CFAP299: variants seen among roughly 807,000 people sequenced by gnomAD.
The protein encoded by CFAP299 is cilia- and flagella-associated protein 299.
Under a neutral mutation model 27.0 loss-of-function variants are expected in CFAP299, and 21 were observed. The observed-to-expected ratio is 0.78, with a 90% confidence interval of 0.55 to 1.12. The LOEUF (loss-of-function observed/expected upper bound fraction) is 1.12. Among genes scored for constraint, CFAP299 ranks in the 50% most tolerant of loss-of-function variants. The pLI is 0.00. For missense variants in CFAP299, 310 were observed against 276.6 expected (o/e 1.12, Z -0.86); for synonymous variants, 104 against 98.1 (o/e 1.06, Z -0.36).
chr4:80,481,961 A>AT (rs1730590119), intron 2 of CFAP299, among the ~76,000 whole-genome samples: 1 of 151,914 alleles, frequency 6.6e-6, no homozygotes. Flanking sequence ...AAGAGAGAAT[A>AT]TTTTTGTATT....
intron 1 of CFAP299, among the ~76,000 whole-genome samples, chr4:80,342,117 G>C (rs1414327424): frequency 6.6e-6 from 1 of 152,080 alleles, no homozygotes; most frequent in Non-Finnish European, 1.5e-5. Flanking sequence ...CAAGAACAGA[G>C]AAAAAAGAAC....
At chr4:80,327,690 TTATATATATATATA>T in the CFAP299 span, among the ~76,000 whole-genome samples, 9 of 51,242 alleles carry the variant, frequency 1.8e-4, 1 homozygote, top group African/African-American at 4.8e-4. Context: ...TAGAGAGAAG[TTATATATATATATA>T]TATATATATA....
At chr4:80,351,458 C>A (rs1310376540) in intron 1 of CFAP299, among the ~76,000 whole-genome samples, 2 of 151,618 alleles carry the variant, frequency 1.3e-5, no homozygotes, top group Admixed American at 1.3e-4. Context: ...TCACAGAGTA[C>A]CTGCTGAAAA....
At chr4:80,807,537 T>C (rs1297310667) in intron 3 of CFAP299, among the ~76,000 whole-genome samples, 2 of 152,112 alleles carry the variant, frequency 1.3e-5, no homozygotes, top group Non-Finnish European at 1.5e-5. Context: ...ATATGTAAAA[T>C]GTATCAACTC....
chr4:80,657,813 A>G (rs1364629415), intron 3 of CFAP299, among the ~76,000 whole-genome samples: 1 of 152,020 alleles, frequency 6.6e-6, no homozygotes, highest in Non-Finnish European at 1.5e-5. Flanking sequence ...TATAAATTAC[A>G]TTGGGCAGGA....
intron 3 of CFAP299, among the ~76,000 whole-genome samples, chr4:80,848,202 C>A (rs1578179287): frequency 6.6e-6 from 1 of 151,380 alleles, no homozygotes; most frequent in Non-Finnish European, 1.5e-5. Context: ...TAGAGTGAGA[C>A]CCTGTCTCAA....
intron 1 of CFAP299, among the ~76,000 whole-genome samples, chr4:80,358,705 G>T (rs1432050819): frequency 2.0e-5 from 3 of 151,890 alleles, no homozygotes; most frequent in Non-Finnish European, 2.9e-5. Context: ...TTTATTTTGA[G>T]CCTATGTGTG....
intron 3 of CFAP299, among the ~76,000 whole-genome samples, chr4:80,760,743 G>T (rs540647821): frequency 6.6e-6 from 1 of 152,118 alleles, no homozygotes; most frequent in Non-Finnish European, 1.5e-5. Context: ...TAAGAAACAT[G>T]TAAAGTAAAA....
chr4:80,832,460 G>C (rs1209206498), intron 3 of CFAP299, among the ~76,000 whole-genome samples: 2 of 152,086 alleles, frequency 1.3e-5, no homozygotes, highest in Admixed American at 1.3e-4. Context: ...ATTAGCCATA[G>C]ACAATACCAT....
chr4:80,453,037 C>T (rs538882976), intron 2 of CFAP299, among the ~76,000 whole-genome samples: 41 of 152,294 alleles, frequency 2.7e-4, no homozygotes, highest in African/African-American at 9.4e-4. Flanking sequence ...CTAAAATTGT[C>T]ACAGGTTATT....
chr4:80,948,871 G>T (rs551185802), intron 5 of CFAP299, among the ~76,000 whole-genome samples: 1 of 152,112 alleles, frequency 6.6e-6, no homozygotes, highest in South Asian at 2.1e-4. Context: ...CTAATTAAAA[G>T]TTAATGAGTA....
intron 4 of CFAP299, among the ~76,000 whole-genome samples, chr4:80,943,774 T>C (rs1259086386): frequency 1.3e-5 from 2 of 151,970 alleles, no homozygotes; most frequent in African/African-American, 2.4e-5. Context: ...GTACAAAATA[T>C]AAAAATAAAA....
chr4:80,428,567 C>T (rs940968615), intron 2 of CFAP299, among the ~76,000 whole-genome samples: 3 of 152,036 alleles, frequency 2.0e-5, no homozygotes, highest in Non-Finnish European at 4.4e-5. Context: ...CACTCTGTCA[C>T]CTGGGCTGGA....
At chr4:80,416,557 T>C (rs1727018225) in intron 2 of CFAP299, among the ~76,000 whole-genome samples, 1 of 152,208 alleles carries the variant, frequency 6.6e-6, no homozygotes, top group Non-Finnish European at 1.5e-5. Flanking sequence ...ACAGCAAGTT[T>C]CTCTATGACA....
intron 3 of CFAP299, among the ~76,000 whole-genome samples, chr4:80,844,740 C>A (rs1731073799): frequency 6.6e-6 from 1 of 152,118 alleles, no homozygotes. Flanking sequence ...TTTTGCTGTG[C>A]AGAAGTTCTT....
chr4:80,329,214 T>C, the CFAP299 span, among the ~76,000 whole-genome samples: 1 of 148,082 alleles, frequency 6.8e-6, no homozygotes, highest in South Asian at 2.1e-4. Flanking sequence ...TATACATATA[T>C]ATATATATAT....
At chr4:80,594,294 T>G (rs901611064) in intron 3 of CFAP299, among the ~76,000 whole-genome samples, 2 of 152,158 alleles carry the variant, frequency 1.3e-5, no homozygotes, top group African/African-American at 2.4e-5. Flanking sequence ...AAGGTGGAAC[T>G]TTTCAAACAC....
At chr4:80,563,861 C>A (rs1735156614) in intron 2 of CFAP299, among the ~76,000 whole-genome samples, 1 of 151,828 alleles carries the variant, frequency 6.6e-6, no homozygotes, top group African/African-American at 2.4e-5. Flanking sequence ...ATGTAAAAAT[C>A]ACATTACAAC....
intron 2 of CFAP299, among the ~76,000 whole-genome samples, chr4:80,496,641 C>T (rs1284937488): frequency 6.6e-6 from 1 of 152,232 alleles, no homozygotes; most frequent in African/African-American, 2.4e-5. Flanking sequence ...GCTGCTTTCA[C>T]ATTTTCTAAT....
Sources: gnomAD v4.1 joint callset for allele counts (sites outside exome capture counted in the v4.1 genomes callset) on GRCh38, gnomAD v4.1.1 for gene constraint, MANE v1.5 for transcripts, NCBI Gene and HGNC (gene_info 2026-07-23, HGNC 2026-07-21) for gene names.